PRR16: variants seen among roughly 807,000 people sequenced by gnomAD.
The protein encoded by PRR16 is protein Largen.
Under a neutral mutation model 18.2 loss-of-function variants are expected in PRR16, and 6 were observed. That is an observed-to-expected ratio of 0.33 (90% CI 0.18 to 0.65). PRR16 has a LOEUF of 0.65. Ranked by LOEUF, PRR16 falls within the 30% of genes least tolerant of loss-of-function variation. PRR16 has a pLI of 0.74. For missense variants in PRR16, 412 were observed against 376.6 expected, an observed-to-expected ratio of 1.09 and a Z score of -0.78; for synonymous variants, 151 against 147.8, an observed-to-expected ratio of 1.02 and a Z score of -0.16.
chr5:120,505,536 A>G (rs1289295887), intron 1 of PRR16, among the ~76,000 whole-genome samples: 1 of 152,180 alleles, frequency 6.6e-6, no homozygotes, highest in Admixed American at 6.5e-5. Context: ...TTACTTTGAG[A>G]TTATTTATCA....
chr5:120,775,112 T>C, the PRR16 span, among the ~76,000 whole-genome samples: 5 of 152,170 alleles, frequency 3.3e-5, no homozygotes, highest in Non-Finnish European at 7.4e-5. Flanking sequence ...ACAGAAACAA[T>C]ATCAACAAAG....
intron 1 of PRR16, among the ~76,000 whole-genome samples, chr5:120,585,784 C>T (rs1430708892): frequency 6.6e-6 from 1 of 151,976 alleles, no homozygotes; most frequent in Non-Finnish European, 1.5e-5. Context: ...GTATGTGTTT[C>T]AGGTACATTT....
At chr5:120,506,717 C>G (rs1019570075) in intron 1 of PRR16, among the ~76,000 whole-genome samples, 8 of 151,990 alleles carry the variant, frequency 5.3e-5, no homozygotes, top group African/African-American at 1.9e-4. Context: ...CTATTCTAGA[C>G]ATGTTGTATG....
chr5:120,583,198 G>A (rs1262592507), intron 1 of PRR16, among the ~76,000 whole-genome samples: 1 of 152,162 alleles, frequency 6.6e-6, no homozygotes, highest in African/African-American at 2.4e-5. Flanking sequence ...TTCTTCCACT[G>A]TATCGTATTG....
chr5:120,572,026 T>G (rs774817779), intron 1 of PRR16, among the ~76,000 whole-genome samples: 3 of 152,148 alleles, frequency 2.0e-5, no homozygotes, highest in Non-Finnish European at 4.4e-5. Context: ...GCATGACAGT[T>G]TGTGACTACA....
Position 120,464,928 on chromosome 5 carries a change from C to T in PRR16, c.159+283C>T, listed in dbSNP as rs573443862. 3.4e-3 allele frequency among the ~76,000 whole-genome samples: 516 copies of T among 152,084 alleles called. 2 individuals are homozygous for T. Among genetic ancestry groups the T allele is most frequent in the African/African-American group, 0.012 (484 of 41,514 alleles). On this transcript the variant is annotated intron_variant, in intron 1 of 1. Transcript: ENST00000407149. Reference sequence around the variant, plus strand: ...CGTGTCTCTGAATCTGTGTGTGTGACGACGGGGGAGAGGGTTAGCTGGGGG... The same window carrying T: ...CGTGTCTCTGAATCTGTGTGTGTGATGACGGGGGAGAGGGTTAGCTGGGGG...
At chr5:120,484,734 GT>G (rs1749736488) in intron 1 of PRR16, among the ~76,000 whole-genome samples, 1 of 149,150 alleles carries the variant, frequency 6.7e-6, no homozygotes, top group African/African-American at 2.4e-5. Context: ...TTCCATCAAT[GT>G]TAAATTGCAA....
chr5:120,504,857 C>A (rs893484435), intron 1 of PRR16, among the ~76,000 whole-genome samples: 2 of 152,096 alleles, frequency 1.3e-5, no homozygotes, highest in Admixed American at 1.3e-4. Flanking sequence ...TCCAATAAAT[C>A]CCCCAAGGCC....
chr5:120,771,164 T>C, the PRR16 span, among the ~76,000 whole-genome samples: 1 of 152,076 alleles, frequency 6.6e-6, no homozygotes, highest in Non-Finnish European at 1.5e-5. Context: ...TCCTTTCTGA[T>C]AATACATGAA....
At chr5:120,748,867 T>A in the PRR16 span, among the ~76,000 whole-genome samples, 1 of 152,118 alleles carries the variant, frequency 6.6e-6, no homozygotes, top group Non-Finnish European at 1.5e-5. Context: ...AACGTCAGAA[T>A]GAAAATTTAC....
intron 1 of PRR16, among the ~76,000 whole-genome samples, chr5:120,598,320 A>C (rs963420394): frequency 6.6e-5 from 10 of 151,986 alleles, no homozygotes; most frequent in African/African-American, 2.4e-4. Context: ...ATTAATTAAA[A>C]AGAATTATCT....
chr5:120,585,799 A>T (rs554886139), intron 1 of PRR16, among the ~76,000 whole-genome samples: 3 of 152,214 alleles, frequency 2.0e-5, no homozygotes, highest in Admixed American at 6.5e-5. Flanking sequence ...ACATTTCCTG[A>T]AATGAAATGA....
chr5:120,485,360 T>C (rs1450918735), intron 1 of PRR16, among the ~76,000 whole-genome samples: 1 of 152,206 alleles, frequency 6.6e-6, no homozygotes, highest in African/African-American at 2.4e-5. Context: ...AGACATTTTA[T>C]TAATGAAATA....
At chr5:120,499,766 CTT>C (rs5870893) in intron 1 of PRR16, among the ~76,000 whole-genome samples, 14 of 145,580 alleles carry the variant, frequency 9.6e-5, no homozygotes, top group African/African-American at 2.5e-4. Context: ...TACTGATTAT[CTT>C]TTTTTTTTTT....
chr5:120,732,594 C>G, the PRR16 span, among the ~76,000 whole-genome samples: 2 of 152,224 alleles, frequency 1.3e-5, no homozygotes, highest in South Asian at 2.1e-4. Flanking sequence ...TTCCCAAGGG[C>G]CTGATGGGGA....
chr5:120,607,347 TATG>T (rs1212379374), intron 1 of PRR16, among the ~76,000 whole-genome samples: 2 of 152,236 alleles, frequency 1.3e-5, no homozygotes, highest in African/African-American at 2.4e-5. Flanking sequence ...TGATGTGAAA[TATG>T]ATAACTATTT....
At chr5:120,525,059 A>AT (rs899245981) in intron 1 of PRR16, among the ~76,000 whole-genome samples, 11 of 152,028 alleles carry the variant, frequency 7.2e-5, no homozygotes, top group Non-Finnish European at 1.2e-4. Flanking sequence ...ATTTGCCATG[A>AT]TAACCTCTAG....
intron 1 of PRR16, among the ~76,000 whole-genome samples, chr5:120,472,686 G>C (rs921183230): frequency 1.3e-5 from 2 of 152,056 alleles, no homozygotes; most frequent in African/African-American, 4.8e-5. Flanking sequence ...AGAAAAAAAA[G>C]AAATACTGAT....
chr5:120,705,387 A>G, the PRR16 span, among the ~76,000 whole-genome samples: 1 of 152,074 alleles, frequency 6.6e-6, no homozygotes, highest in African/African-American at 2.4e-5. Flanking sequence ...AAATTTTAGT[A>G]AACATATATA....
Sources: allele counts gnomAD v4.1 joint callset (sites outside exome capture counted in the v4.1 genomes callset), GRCh38; gene constraint gnomAD v4.1.1; transcripts MANE v1.5; gene names NCBI Gene and HGNC (gene_info 2026-07-23, HGNC 2026-07-21).